GNAO1: variants seen among roughly 807,000 people sequenced by gnomAD.
The protein encoded by GNAO1 is guanine nucleotide-binding protein G(o) subunit alpha.
For synonymous variants in GNAO1, 164 were observed against 180.7 expected, an observed-to-expected ratio of 0.91 and a Z score of 0.74; for missense variants, 166 against 478.7, an observed-to-expected ratio of 0.35 and a Z score of 6.10.
At chr16:56,197,966 A>T (rs1163785508) in intron 2 of GNAO1, among the ~76,000 whole-genome samples, 4 of 152,134 alleles carry the variant, frequency 2.6e-5, no homozygotes, top group Non-Finnish European at 5.9e-5. Context: ...TTTCTTATGG[A>T]GCCAGACAGG....
At chr16:56,313,786 G>A (rs1265368939) in intron 3 of GNAO1, among the ~76,000 whole-genome samples, 4 of 152,116 alleles carry the variant, frequency 2.6e-5, no homozygotes, top group Admixed American at 6.5e-5. Flanking sequence ...GCAGTGGCAC[G>A]ATGACAACTC....
intron 3 of GNAO1, among the ~76,000 whole-genome samples, chr16:56,300,064 C>T (rs76205240): frequency 1.1e-5 from 1 of 94,746 alleles, no homozygotes; most frequent in African/African-American, 4.7e-5. Flanking sequence ...CGCACATGTG[C>T]TTGTGAGTGT....
At chr16:56,319,519 T>C (rs1286408142) in intron 3 of GNAO1, among the ~76,000 whole-genome samples, 1 of 152,132 alleles carries the variant, frequency 6.6e-6, no homozygotes, top group Non-Finnish European at 1.5e-5. Flanking sequence ...ACCAGCTGGC[T>C]GACTGGAGAG....
intron 2 of GNAO1, among the ~76,000 whole-genome samples, chr16:56,261,824 T>C (rs2036906582): frequency 6.6e-6 from 1 of 152,184 alleles, no homozygotes; most frequent in African/African-American, 2.4e-5. Flanking sequence ...TCAGCAAGTC[T>C]GTGTGACCGT....
chr16:56,300,260 A>G (rs2037332151), intron 3 of GNAO1, among the ~76,000 whole-genome samples: 2 of 152,102 alleles, frequency 1.3e-5, no homozygotes, highest in Admixed American at 1.3e-4. Flanking sequence ...GAGCAGGATA[A>G]TTCTCATAGA....
intron 2 of GNAO1, among the ~76,000 whole-genome samples, chr16:56,221,456 C>G (rs1282393108): frequency 2.0e-5 from 3 of 151,976 alleles, no homozygotes; most frequent in Non-Finnish European, 4.4e-5. Flanking sequence ...TCATGACCAG[C>G]CTGGCCAACA....
intron 2 of GNAO1, among the ~76,000 whole-genome samples, chr16:56,265,538 A>T (rs1258684323): frequency 1.3e-5 from 2 of 152,246 alleles, no homozygotes; most frequent in Non-Finnish European, 2.9e-5. Context: ...ACTCCCAGGT[A>T]AAAGGACTGA....
At chr16:56,242,667 A>G (rs1009221724) in intron 2 of GNAO1, among the ~76,000 whole-genome samples, 1 of 152,268 alleles carries the variant, frequency 6.6e-6, no homozygotes, top group South Asian at 2.1e-4. Flanking sequence ...ACAAAAATTA[A>G]TTCAAAATGG....
At chr16:56,218,307 G>A (rs1272618782) in intron 2 of GNAO1, among the ~76,000 whole-genome samples, 1 of 152,158 alleles carries the variant, frequency 6.6e-6, no homozygotes, top group African/African-American at 2.4e-5. Context: ...AGTTGTATCT[G>A]GGCCTCCACT....
intron 2 of GNAO1, among the ~76,000 whole-genome samples, chr16:56,221,848 G>T (rs986585781): frequency 6.6e-6 from 1 of 152,074 alleles, no homozygotes; most frequent in African/African-American, 2.4e-5. Flanking sequence ...TCAATGTCCT[G>T]TGGTCTTTGA....
intron 4 of GNAO1, among the ~76,000 whole-genome samples, chr16:56,331,310 C>A (rs1443936741): frequency 2.0e-5 from 3 of 152,196 alleles, no homozygotes; most frequent in African/African-American, 7.2e-5. Context: ...TGGGCACATC[C>A]AACCAGGGGC....
chr16:56,349,790 C>G (rs1407143801), intron 6 of GNAO1, among the ~76,000 whole-genome samples: 1 of 152,160 alleles, frequency 6.6e-6, no homozygotes, highest in African/African-American at 2.4e-5. Context: ...TAATAGGAAC[C>G]AGGGGCTGGG....
intron 3 of GNAO1, among the ~76,000 whole-genome samples, chr16:56,294,905 AT>A (rs67113048): frequency 0.28 from 42,683 of 151,990 alleles, 6,453 homozygotes; most frequent in Middle Eastern, 0.35. Flanking sequence ...CCATGCGTAT[AT>A]CTTCTCTTGT....
chr16:56,225,879 A>G (rs529857257), intron 2 of GNAO1, among the ~76,000 whole-genome samples: 6 of 152,114 alleles, frequency 3.9e-5, no homozygotes, highest in East Asian at 3.9e-4. Context: ...TCCTTTAGCT[A>G]AAGTAGGCAG....
chr16:56,254,037 A>G (rs1482191951), intron 2 of GNAO1, among the ~76,000 whole-genome samples: 1 of 151,998 alleles, frequency 6.6e-6, no homozygotes, highest in African/African-American at 2.4e-5. Flanking sequence ...TTTTTTTATT[A>G]AACATACATT....
At chr16:56,300,036 T>TGTGTGTGTGTGTGCGCGCGC (rs753591618) in intron 3 of GNAO1, among the ~76,000 whole-genome samples, 6 of 95,170 alleles carry the variant, frequency 6.3e-5, no homozygotes, top group African/African-American at 2.8e-4. Context: ...TGTGTGTGTG[T>TGTGTGTGTGTGTGCGCGCGC]GCGCGCGCGC....
rs113550994 is a variant in GNAO1, at chr16:56,192,405, C to G, written c.118+52C>G. ...CCCCCGACCCCGGCCACTCCGCACC[C>G]CCTGCCACCAGCTCCCCCACCCCAC... On this transcript the variant is annotated intron_variant, in intron 1 of 8. Transcript: ENST00000262493. 11,952 of 1,127,234 alleles carry G rather than the reference C, an allele frequency of 0.011. 133 individuals carry two copies. Among genetic ancestry groups the G allele is most frequent in the African/African-American group, 0.03 (1,872 of 63,080 alleles). 69.8% of individuals were successfully genotyped at this position (1,127,234 alleles called of 1,614,324 possible). A position where few individuals can be genotyped will look rare whatever the true frequency, so the allele number is the denominator to read the frequency against.
At chr16:56,268,105 C>T (rs1033576619) in intron 2 of GNAO1, among the ~76,000 whole-genome samples, 1 of 152,220 alleles carries the variant, frequency 6.6e-6, no homozygotes, top group African/African-American at 2.4e-5. Context: ...CTGCCACAAA[C>T]TAAATGTGCC....
chr16:56,238,349 C>A (rs553676871), intron 2 of GNAO1, among the ~76,000 whole-genome samples: 98 of 152,322 alleles, frequency 6.4e-4, no homozygotes, highest in African/African-American at 2.1e-3. Context: ...CACAGCTATC[C>A]TTGATTGCAG....
Sources: gnomAD v4.1 joint callset for allele counts (sites outside exome capture counted in the v4.1 genomes callset) on GRCh38, gnomAD v4.1.1 for gene constraint, MANE v1.5 for transcripts, NCBI Gene and HGNC (gene_info 2026-07-23, HGNC 2026-07-21) for gene names.